The following TCF12 variants were observed in gnomAD, a reference collection of about 807,000 sequenced individuals.
TCF12 encodes the protein transcription factor 12.
In TCF12, 45 loss-of-function variants were observed where a neutral mutation model predicts 86.0. The observed-to-expected ratio is 0.52, with a 90% CI of 0.41 to 0.67. The LOEUF is 0.67. Ranked by LOEUF, TCF12 falls within the 30% of genes least tolerant of loss-of-function variation. The pLI is 0.00. For synonymous variants in TCF12, 330 were observed against 299.6 expected, an observed-to-expected ratio of 1.10 and a Z score of -1.05; for missense variants, 881 against 859.9, an observed-to-expected ratio of 1.02 and a Z score of -0.31.
chr15:57,054,773 C>CTTTTTT lies in TCF12; in HGVS notation c.149-8953_149-8948dup, dbSNP rs35859330. Among the ~76,000 whole-genome samples, 79 of 24,192 alleles carry CTTTTTT rather than the reference C, an allele frequency of 3.3e-3. 16 individuals are homozygous for CTTTTTT. Among genetic ancestry groups the CTTTTTT allele is most frequent in the African/African-American group, 7.5e-3 (51 of 6,842 alleles). The allele number at this position is 24,192 out of a possible 152,430, so 15.9% of individuals were successfully genotyped here. On this transcript the variant is annotated intron_variant, in intron 3 of 20. Transcript: ENST00000333725. ...AGCTGGCTTTTTTGCAATGCCTCTG[C>CTTTTTT]TTTTTTTTTTTTTTTTTTTTTTTTT...
intron 5 of TCF12, among the ~76,000 whole-genome samples, chr15:57,136,725 G>A (rs2052546646): frequency 6.6e-6 from 1 of 152,106 alleles, no homozygotes. Context: ...ACCCAGGCTG[G>A]AGTGCAGTGT....
intron 3 of TCF12, among the ~76,000 whole-genome samples, chr15:56,970,332 T>C (rs1397628419): frequency 1.3e-5 from 2 of 151,742 alleles, no homozygotes; most frequent in Non-Finnish European, 2.9e-5. Context: ...ATACAAAAAT[T>C]AGCTGGGCAT....
chr15:57,231,030 T>C (rs2059114194), intron 8 of TCF12, 122 bp from the exon 9 acceptor site: 2 of 643,600 alleles, frequency 3.1e-6, no homozygotes, highest in Non-Finnish European at 5.4e-6. Flanking sequence ...TTTTCATTTG[T>C]GGTAGCCCTT....
chr15:56,948,766 A>G (rs377679689), intron 3 of TCF12, among the ~76,000 whole-genome samples: 3 of 152,328 alleles, frequency 2.0e-5, no homozygotes. Context: ...TATTGCAAGC[A>G]TTACTTGCCT....
chr15:57,047,539 T>C (rs138584211), intron 3 of TCF12, among the ~76,000 whole-genome samples: 4 of 152,342 alleles, frequency 2.6e-5, no homozygotes, highest in African/African-American at 4.8e-5. Flanking sequence ...GGTTGACTTA[T>C]GGAGATCTCT....
At chr15:57,165,427 G>A (rs918000417) in intron 5 of TCF12, among the ~76,000 whole-genome samples, 6 of 151,950 alleles carry the variant, frequency 3.9e-5, no homozygotes, top group Non-Finnish European at 8.8e-5. Context: ...TATATTGTTC[G>A]AGAACATGAA....
intron 5 of TCF12, among the ~76,000 whole-genome samples, chr15:57,106,277 A>G (rs1334403819): frequency 2.6e-5 from 4 of 152,244 alleles, no homozygotes; most frequent in South Asian, 4.1e-4. Flanking sequence ...GTTGATAGTA[A>G]TGCTCTAATG....
At chr15:57,054,227 T>A (rs1304650030) in intron 3 of TCF12, among the ~76,000 whole-genome samples, 1 of 152,172 alleles carries the variant, frequency 6.6e-6, no homozygotes, top group Non-Finnish European at 1.5e-5. Context: ...ATAGAATTGT[T>A]TGTGGAATTA....
intron 3 of TCF12, among the ~76,000 whole-genome samples, chr15:57,000,023 T>C (rs2063930206): frequency 6.6e-6 from 1 of 151,362 alleles, no homozygotes; most frequent in African/African-American, 2.4e-5. Context: ...CTTAATCAAA[T>C]GCTAAACTTT....
intron 7 of TCF12, among the ~76,000 whole-genome samples, chr15:57,194,000 G>A (rs2057119716): frequency 1.3e-5 from 2 of 152,148 alleles, no homozygotes; most frequent in South Asian, 4.1e-4. Context: ...ATTGATTGGA[G>A]TCTAGACGTG....
chr15:56,935,136 C>G (rs1185583246), intron 3 of TCF12, among the ~76,000 whole-genome samples: 1 of 152,146 alleles, frequency 6.6e-6, no homozygotes, highest in Non-Finnish European at 1.5e-5. Context: ...TTCTCTGTAG[C>G]TAATTGCTTG....
At chr15:57,156,723 A>G (rs556308129) in intron 5 of TCF12, among the ~76,000 whole-genome samples, 1 of 152,326 alleles carries the variant, frequency 6.6e-6, no homozygotes, top group South Asian at 2.1e-4. Flanking sequence ...AACAAGTGGC[A>G]TCTGCCTTCT....
chr15:57,191,444 CAG>C (rs1237725960), intron 6 of TCF12, among the ~76,000 whole-genome samples: 1 of 152,080 alleles, frequency 6.6e-6, no homozygotes, highest in East Asian at 1.9e-4. Flanking sequence ...GCCTGAGTGA[CAG>C]AGCATAATCC....
Position 57,047,036 on chromosome 15 carries a change from A to G in TCF12, c.149-16714A>G, listed in dbSNP as rs573928794. ...TCTAAACTACGCCTTTCGTCTTTAC[A>G]AGTTCTTTAGTTTGAAAGTTTTAAA... On this transcript the variant is annotated intron_variant, in intron 3 of 20. Transcript: ENST00000333725. 5.3e-5 allele frequency among the ~76,000 whole-genome samples: 8 copies of G among 152,302 alleles called. No individual in the cohort carries two copies. In the East Asian group the frequency reaches 1.5e-3, roughly 29 times the overall value.
At position 56,972,981 on chromosome 15, in the gene TCF12, A is replaced by G. The variant is rs2062414151; in HGVS notation, c.148+51883A>G. ...CCGTTTTCCTGGAGAGCTATGGGCT[A>G]GCAAACCAAAACTATGTTCTGTGGT... On this transcript the variant is annotated intron_variant, in intron 3 of 20. Transcript: ENST00000333725. Among the ~76,000 whole-genome samples the G allele has an allele frequency of 4.6e-5, 7 of 152,168 alleles. No homozygotes were observed. In the South Asian group the frequency reaches 1.4e-3, roughly 31 times the overall value.
At chr15:57,130,849 G>A (rs1206852214) in intron 5 of TCF12, among the ~76,000 whole-genome samples, 1 of 152,086 alleles carries the variant, frequency 6.6e-6, no homozygotes, top group African/African-American at 2.4e-5. Flanking sequence ...GAATTACTAT[G>A]TATTTTTCAT....
chr15:57,259,398 C>T (rs12915489), intron 16 of TCF12, among the ~76,000 whole-genome samples: 59,448 of 152,148 alleles, frequency 0.39, 14,512 homozygotes, highest in Non-Finnish European at 0.54. Flanking sequence ...GAATACGATT[C>T]AAAATCAAGA....
intron 3 of TCF12, among the ~76,000 whole-genome samples, chr15:57,061,901 A>G (rs891196871): frequency 1.3e-5 from 2 of 152,086 alleles, no homozygotes; most frequent in Non-Finnish European, 2.9e-5. Flanking sequence ...TTGCAGAGAA[A>G]ATGCTTGGAA....
chr15:57,093,442 A>T (rs149427857), intron 5 of TCF12, among the ~76,000 whole-genome samples: 23 of 152,280 alleles, frequency 1.5e-4, no homozygotes, highest in African/African-American at 5.5e-4. Flanking sequence ...GAAAAATCAG[A>T]AATTGCTCTT....
Sources: allele counts gnomAD v4.1 joint callset (sites outside exome capture counted in the v4.1 genomes callset), GRCh38; gene constraint gnomAD v4.1.1; transcripts MANE v1.5; gene names NCBI Gene and HGNC (gene_info 2026-07-23, HGNC 2026-07-21).